The following LMX1A variants were observed in gnomAD, a reference collection of about 807,000 sequenced individuals.
The protein encoded by LMX1A is LIM homeobox transcription factor 1-alpha.
Under a neutral mutation model 49.1 loss-of-function variants are expected in LMX1A, and 15 were observed. The observed-to-expected ratio is 0.31, with a 90% CI of 0.20 to 0.47. The LOEUF (loss-of-function observed/expected upper bound fraction) is 0.47, where lower values mean the gene tolerates loss of function less well. Among genes scored for constraint, LMX1A ranks in the 20% least tolerant of loss-of-function variants. The pLI, the probability that LMX1A is intolerant of heterozygous loss-of-function variation, is 1.00. For missense variants in LMX1A, 372 were observed against 475.8 expected (o/e 0.78, Z 2.03); for synonymous variants, 167 against 185.7 (o/e 0.90, Z 0.82).
At chr1:165,272,918 T>C (rs1557869984) in intron 3 of LMX1A, among the ~76,000 whole-genome samples, 1 of 152,134 alleles carries the variant, frequency 6.6e-6, no homozygotes, top group Non-Finnish European at 1.5e-5. Flanking sequence ...ATGAACATTC[T>C]TCCACGGACC....
chr1:165,340,276 TG>T (rs1656032878), intron 3 of LMX1A, among the ~76,000 whole-genome samples: 2 of 151,976 alleles, frequency 1.3e-5, no homozygotes, highest in South Asian at 4.2e-4. Context: ...CTAATGTTTT[TG>T]TTTTTATTTT....
intron 3 of LMX1A, among the ~76,000 whole-genome samples, chr1:165,282,913 T>C (rs1404956437): frequency 1.3e-5 from 2 of 152,244 alleles, no homozygotes; most frequent in East Asian, 3.8e-4. Context: ...AGCCTTCCAG[T>C]GGTTTCCTAA....
Position 165,232,188 on chromosome 1 carries a change from C to A in LMX1A, c.496+17220G>T, listed in dbSNP as rs183064952. Among the ~76,000 whole-genome samples the A allele has an allele frequency of 2.0e-4, 31 of 152,302 alleles. No homozygotes were observed. The East Asian group carries it at 6.0e-3, about 29-fold the overall frequency. On this transcript the variant is annotated intron_variant, in intron 4 of 8. Coordinates refer to ENST00000342310, the MANE Select transcript of LMX1A (RefSeq NM_177398.4). The stretch of plus-strand genomic sequence containing the variant: ...GCTGGAGCAGCAAAGGGCCCCAGAC[C>A]AGGGTATGGAGAAGCTTAGGGGAAC...
chr1:165,351,163 C>G (rs1024440100), intron 3 of LMX1A, among the ~76,000 whole-genome samples: 1 of 138,702 alleles, frequency 7.2e-6, no homozygotes, highest in African/African-American at 2.7e-5. Context: ...TTCTTTGATT[C>G]GTGATTTTTT....
chr1:165,324,173 GC>G (rs1438948227), intron 3 of LMX1A, among the ~76,000 whole-genome samples: 3 of 152,236 alleles, frequency 2.0e-5, no homozygotes, highest in Non-Finnish European at 4.4e-5. Context: ...AGCAGTGCCT[GC>G]TTTTTCAGAC....
intron 3 of LMX1A, among the ~76,000 whole-genome samples, chr1:165,294,477 C>T (rs1654560149): frequency 6.6e-6 from 1 of 152,184 alleles, no homozygotes; most frequent in South Asian, 2.1e-4. Flanking sequence ...TAGTATAAAC[C>T]ACCACAGCCC....
At chr1:165,308,562 G>C (rs1571214470) in intron 3 of LMX1A, among the ~76,000 whole-genome samples, 2 of 152,188 alleles carry the variant, frequency 1.3e-5, no homozygotes, top group East Asian at 3.8e-4. Flanking sequence ...CACGTACTTG[G>C]TGATTCGCAC....
intron 4 of LMX1A, among the ~76,000 whole-genome samples, chr1:165,235,422 ACT>A (rs3038077): frequency 0.33 from 45,648 of 137,220 alleles, 8,514 homozygotes; most frequent in East Asian, 0.55. Context: ...ACACACACAC[ACT>A]CACACTCACA....
chr1:165,304,572 T>A (rs1238009580), intron 3 of LMX1A, among the ~76,000 whole-genome samples: 4 of 152,200 alleles, frequency 2.6e-5, no homozygotes, highest in Admixed American at 2.6e-4. Flanking sequence ...AAGAATTAAC[T>A]GCACATGGTT....
intron 3 of LMX1A, among the ~76,000 whole-genome samples, chr1:165,349,609 C>T (rs561121243): frequency 6.8e-6 from 1 of 146,600 alleles, no homozygotes; most frequent in African/African-American, 2.6e-5. Context: ...TACACTCTCA[C>T]CTTAAATGCT....
chr1:165,331,892 G>A (rs1017655030), intron 3 of LMX1A, among the ~76,000 whole-genome samples: 1 of 152,040 alleles, frequency 6.6e-6, no homozygotes, highest in African/African-American at 2.4e-5. Flanking sequence ...ACTCCAGCCT[G>A]GGCAACAAAG....
intron 2 of LMX1A, among the ~76,000 whole-genome samples, chr1:165,354,397 A>T (rs1656529450): frequency 6.6e-6 from 1 of 152,196 alleles, no homozygotes; most frequent in Non-Finnish European, 1.5e-5. Context: ...GTTGAGAGCG[A>T]ACGTGGGCCG....
chr1:165,343,116 T>TAC, intron 3 of LMX1A, among the ~76,000 whole-genome samples: 1 of 152,212 alleles, frequency 6.6e-6, no homozygotes, highest in East Asian at 1.9e-4. Context: ...CAAATCATTT[T>TAC]ACAGCATTTT....
At chr1:165,290,913 G>A (rs556258742) in intron 3 of LMX1A, among the ~76,000 whole-genome samples, 1 of 152,288 alleles carries the variant, frequency 6.6e-6, no homozygotes, top group South Asian at 2.1e-4. Context: ...TGCACATAAT[G>A]TTTGAGAGCC....
chr1:165,347,567 G>A (rs1330389), intron 3 of LMX1A, among the ~76,000 whole-genome samples: 13,486 of 152,170 alleles, frequency 0.089, 782 homozygotes, highest in South Asian at 0.14. Context: ...AAAAAAGAAA[G>A]AAAGAAAATT....
chr1:165,342,331 G>A (rs750886220), intron 3 of LMX1A, among the ~76,000 whole-genome samples: 1 of 152,204 alleles, frequency 6.6e-6, no homozygotes, highest in Non-Finnish European at 1.5e-5. Context: ...TGGATGGACA[G>A]CTGCTGGCTG....
At chr1:165,337,702 T>A (rs897509317) in intron 3 of LMX1A, among the ~76,000 whole-genome samples, 1 of 152,130 alleles carries the variant, frequency 6.6e-6, no homozygotes, top group Non-Finnish European at 1.5e-5. Flanking sequence ...GTTATCGCCG[T>A]TATTTACCTC....
At chr1:165,347,705 T>C (rs933608919) in intron 3 of LMX1A, among the ~76,000 whole-genome samples, 2 of 152,256 alleles carry the variant, frequency 1.3e-5, no homozygotes, top group Admixed American at 1.3e-4. Context: ...CTGTACTTAA[T>C]AACCAAGATC....
At chr1:165,228,875 G>C (rs887558871) in intron 4 of LMX1A, among the ~76,000 whole-genome samples, 4 of 152,132 alleles carry the variant, frequency 2.6e-5, no homozygotes, top group Non-Finnish European at 4.4e-5. Flanking sequence ...GGACCAAAGA[G>C]AGGAACTGGA....
Sources: allele counts gnomAD v4.1 joint callset (sites outside exome capture counted in the v4.1 genomes callset), GRCh38; gene constraint gnomAD v4.1.1; transcripts MANE v1.5; gene names NCBI Gene and HGNC (gene_info 2026-07-23, HGNC 2026-07-21).